MED27: variants seen among roughly 807,000 people sequenced by gnomAD.
MED27 encodes the protein mediator complex subunit 27.
Under a neutral mutation model 38.2 loss-of-function variants are expected in MED27, and 30 were observed. The observed-to-expected ratio is 0.79, with a 90% CI of 0.59 to 1.07. MED27 has a LOEUF of 1.07. Ranked by LOEUF, MED27 falls within the 50% of genes least tolerant of loss-of-function variation. The probability of loss-of-function intolerance (pLI) is 0.00; values close to 1 mark genes in which losing one functional copy is unlikely to be tolerated. For missense variants in MED27, 289 were observed against 397.5 expected, an observed-to-expected ratio of 0.73 and a Z score of 2.32; for synonymous variants, 122 against 153.5, an observed-to-expected ratio of 0.79 and a Z score of 1.52.
intron 2 of MED27, among the ~76,000 whole-genome samples, chr9:132,044,984 CAG>C (rs923830123): frequency 6.6e-6 from 1 of 151,868 alleles, no homozygotes; most frequent in Non-Finnish European, 1.5e-5. Flanking sequence ...GGAGGAAAAA[CAG>C]ATGTGAACGT....
chr9:131,970,665 C>T (rs112880204), intron 3 of MED27, among the ~76,000 whole-genome samples: 4,339 of 152,130 alleles, frequency 0.029, 211 homozygotes, highest in African/African-American at 0.1. Flanking sequence ...GATGGCTGGA[C>T]AAGAAGAACA....
intron 3 of MED27, among the ~76,000 whole-genome samples, chr9:132,006,787 C>G (rs1478886914): frequency 6.6e-6 from 1 of 152,158 alleles, no homozygotes; most frequent in Non-Finnish European, 1.5e-5. Flanking sequence ...TCAGTTTAAA[C>G]AGCAATGACG....
intron 4 of MED27, among the ~76,000 whole-genome samples, chr9:131,912,502 T>C (rs1172794943): frequency 6.6e-6 from 1 of 152,172 alleles, no homozygotes; most frequent in Non-Finnish European, 1.5e-5. Context: ...TGTCACTCCC[T>C]GCAGGCAAAA....
In MED27 at chr9:131,883,810, C is replaced by T. The variant is rs535927365; in HGVS notation, c.723+248G>A. ...GATAAAGAATATTCCCACCACCCCA[C>T]ACTCCCTTGTGCCCCTTTGGGGCCA... On this transcript the variant is annotated intron_variant, in intron 6 of 7. Transcript: ENST00000292035. The surrounding 1 kb of genome is among the most constrained non-coding windows in gnomAD (Gnocchi z 4.2). 5.3e-5 allele frequency among the ~76,000 whole-genome samples: 8 copies of T among 152,326 alleles called. No homozygotes were observed. The highest frequency in any genetic ancestry group is 1.4e-4 in the African/African-American group (6 of 41,574).
chr9:131,902,053 G>A (rs1829957596), intron 4 of MED27, among the ~76,000 whole-genome samples: 1 of 152,132 alleles, frequency 6.6e-6, no homozygotes, highest in Non-Finnish European at 1.5e-5. Flanking sequence ...TTGAGTCATG[G>A]ACTCCTCCAG....
At position 131,885,364 on chromosome 9, in the gene MED27, G is replaced by C. The variant is rs375200582; in HGVS notation, c.682-1265C>G. Among the ~76,000 whole-genome samples the C allele has an allele frequency of 7.9e-5, 12 of 152,328 alleles. No homozygotes were observed. In the East Asian group the frequency reaches 2.1e-3, roughly 27 times the overall value. On this transcript the variant is annotated intron_variant, in intron 5 of 7. Coordinates refer to ENST00000292035, the MANE Select transcript of MED27 (RefSeq NM_004269.4). ...GGCTGAGCATCAGAAGCCCCCGGGGGAAGGTTTTTGTTTTTTGATATACAG... is the reference window on the plus strand; with the variant it reads ...GGCTGAGCATCAGAAGCCCCCGGGGCAAGGTTTTTGTTTTTTGATATACAG...
chr9:132,062,616 A>AT (rs10712445), intron 2 of MED27, among the ~76,000 whole-genome samples: 193 of 145,334 alleles, frequency 1.3e-3, no homozygotes, highest in South Asian at 9.5e-3. Flanking sequence ...TCATCAATAC[A>AT]TTTTTTTTTT....
intron 3 of MED27, among the ~76,000 whole-genome samples, chr9:132,002,880 A>C (rs1589259888): frequency 7.0e-6 from 1 of 142,830 alleles, no homozygotes; most frequent in East Asian, 2.2e-4. Flanking sequence ...ACGCCACTGC[A>C]CCCCAGCCTG....
At chr9:131,936,711 T>C (rs1261321852) in intron 4 of MED27, among the ~76,000 whole-genome samples, 3 of 152,204 alleles carry the variant, frequency 2.0e-5, no homozygotes, top group Non-Finnish European at 4.4e-5. Flanking sequence ...GCCGGGCAGG[T>C]CAGATTAATC....
At chr9:131,876,010 T>C (rs1254785628) in intron 6 of MED27, among the ~76,000 whole-genome samples, 1 of 152,226 alleles carries the variant, frequency 6.6e-6, no homozygotes, top group Non-Finnish European at 1.5e-5. Context: ...TCTTAGCCAC[T>C]CTGCTATGTG....
intron 5 of MED27, among the ~76,000 whole-genome samples, chr9:131,890,105 T>C (rs971639352): frequency 1.3e-5 from 2 of 152,080 alleles, no homozygotes; most frequent in African/African-American, 4.8e-5. Flanking sequence ...ACACACAGAG[T>C]ACTCAAAATA....
chr9:131,863,399 G>A (rs561396766), intron 6 of MED27, among the ~76,000 whole-genome samples: 18 of 152,328 alleles, frequency 1.2e-4, no homozygotes, highest in East Asian at 1.2e-3. Context: ...GGAAAGCCTG[G>A]CCAGGCTGGA....
chr9:131,948,003 C>T (rs182327682), intron 3 of MED27, among the ~76,000 whole-genome samples: 13 of 152,188 alleles, frequency 8.5e-5, no homozygotes, highest in Non-Finnish European at 1.6e-4. Flanking sequence ...TGGAAACAGA[C>T]GAGGGCTTGT....
At chr9:131,970,305 G>A (rs1489511364) in intron 3 of MED27, among the ~76,000 whole-genome samples, 1 of 152,256 alleles carries the variant, frequency 6.6e-6, no homozygotes, top group East Asian at 1.9e-4. Context: ...AGGGTGGGCT[G>A]TCCAGGGCCT....
intron 3 of MED27, among the ~76,000 whole-genome samples, chr9:132,004,401 A>G (rs1340784470): frequency 6.6e-6 from 1 of 152,250 alleles, no homozygotes; most frequent in East Asian, 1.9e-4. Context: ...GATAAGTAAC[A>G]TGAACCAATT....
intron 6 of MED27, among the ~76,000 whole-genome samples, chr9:131,866,588 G>A (rs1208925652): frequency 1.3e-5 from 2 of 152,262 alleles, no homozygotes; most frequent in Admixed American, 6.5e-5. Flanking sequence ...GGGAAAGAGC[G>A]TGGGCTCCAT....
At chr9:132,063,179 C>A (rs1043609744) in intron 2 of MED27, among the ~76,000 whole-genome samples, 2 of 152,196 alleles carry the variant, frequency 1.3e-5, no homozygotes, top group Non-Finnish European at 2.9e-5. Context: ...AGGCTGCAGA[C>A]AGTGACAATG....
intron 2 of MED27, among the ~76,000 whole-genome samples, chr9:132,034,450 C>T (rs577360795): frequency 2.6e-5 from 4 of 152,200 alleles, no homozygotes; most frequent in African/African-American, 7.2e-5. Context: ...GCCTGCCCTT[C>T]GCTTTGATGC....
At chr9:131,989,685 G>A (rs1297007521) in intron 3 of MED27, among the ~76,000 whole-genome samples, 1 of 151,760 alleles carries the variant, frequency 6.6e-6, no homozygotes, top group South Asian at 2.1e-4. Context: ...CCCAAGAGTA[G>A]AGAGAACCAT....
Sources: gnomAD v4.1 joint callset for allele counts (sites outside exome capture counted in the v4.1 genomes callset) on GRCh38, gnomAD v4.1.1 for gene constraint, Gnocchi (gnomAD v3.1) non-coding constraint, MANE v1.5 for transcripts, NCBI Gene and HGNC (gene_info 2026-07-23, HGNC 2026-07-21) for gene names.